The following ASIC1 variants were observed in gnomAD, a reference collection of about 807,000 sequenced individuals.
The protein encoded by ASIC1 is acid-sensing ion channel 1.
Under a neutral mutation model 63.4 loss-of-function variants are expected in ASIC1, and 21 were observed. That is an observed-to-expected ratio of 0.33 (90% confidence interval 0.23 to 0.48). The LOEUF (loss-of-function observed/expected upper bound fraction) is 0.48. ASIC1 is among the 20% of genes least tolerant of loss of function. ASIC1 has a pLI of 0.99. For missense variants in ASIC1, 478 were observed against 695.5 expected (o/e 0.69, Z 3.52); for synonymous variants, 258 against 278.2 (o/e 0.93, Z 0.72).
intron 8 of ASIC1, 90 bp downstream of exon 8, chr12:50,080,145 AG>A: frequency 7.2e-7 from 1 of 1,398,248 alleles, no homozygotes; most frequent in Non-Finnish European, 9.7e-7. Flanking sequence ...GCTGGCAGGC[AG>A]GGGGAACTTG....
chr12:50,065,900 A>G (rs1950540833), intron 3 of ASIC1, among the ~76,000 whole-genome samples: 2 of 152,226 alleles, frequency 1.3e-5, no homozygotes, highest in Non-Finnish European at 2.9e-5. Flanking sequence ...GGCCTTGGCC[A>G]TGGACAGCAG....
In ASIC1 at chr12:50,078,040, T is replaced by C. The variant is rs1950675637; in HGVS notation, c.750T>C (p.His250=). The stretch of plus-strand genomic sequence containing the variant: ...AAGCAGGCATCAAAGTGCAGATCCA[T>C]AGTCAGGATGAACCTCCTTTCATCG... ...SFEAGIKVQI[H]SQDEPPFIDQ... is the part of the protein sequence containing the mutation. The change falls in exon 5 of 12, where the codon CAT becomes CAC. Residue 250 remains histidine, a synonymous_variant. Transcript: ENST00000447966. This position sits in a 1 kb window ranked among gnomAD's most constrained non-coding sequence, Gnocchi z 6.0. 1 of 1,613,966 alleles carries C rather than the reference T, an allele frequency of 6.2e-7. No homozygotes were observed. The highest frequency in any genetic ancestry group is 1.7e-5 in the Admixed American group (1 of 59,998).
intron 7 of ASIC1, among the ~76,000 whole-genome samples, chr12:50,079,679 T>C (rs1423685836): frequency 6.6e-6 from 1 of 152,116 alleles, no homozygotes; most frequent in African/African-American, 2.4e-5. Flanking sequence ...ACATCGTTGG[T>C]TCAGTGGCCT....
At position 50,074,278 on chromosome 12, in the gene ASIC1, AAG is replaced by A. The variant is rs1167800059; in HGVS notation, c.559-2932_559-2931del. 6.9e-7 allele frequency: 1 copy of A among 1,444,598 alleles called. No individual in the cohort carries two copies. Among genetic ancestry groups the A allele is most frequent in the Admixed American group, 2.7e-5 (1 of 37,122 alleles). The allele number at this position is 1,444,598 out of a possible 1,614,324, so 89.5% of individuals were successfully genotyped here. On this transcript the variant is annotated intron_variant, in intron 3 of 11. Transcript: ENST00000447966. The surrounding 1 kb of genome is among the most constrained non-coding windows in gnomAD (Gnocchi z 4.2). Reference sequence around the variant, plus strand: ...AGCCCCATGCCTGCCACAGTACCCCAAGAGTGTCTGCCATGGCTGTCCCTGAC... The same window carrying A: ...AGCCCCATGCCTGCCACAGTACCCCAAGTGTCTGCCATGGCTGTCCCTGAC...
rs767028324 is a variant in ASIC1, at chr12:50,077,272, G to T, written c.618G>T (p.Arg206=). 1 of 1,614,132 alleles carries T rather than the reference G, an allele frequency of 6.2e-7. No homozygotes were observed. Among genetic ancestry groups the T allele is most frequent in the Non-Finnish European group, 8.5e-7 (1 of 1,180,006 alleles). Residue 206 remains arginine (R), a synonymous_variant, in exon 4 of 12, where the codon CGG becomes CGT. Transcript: ENST00000447966. ...ACTCGGGCCGAGATGGGCGGCCGCG[G>T]CTGAAGACCATGAAGGGTGGGACGG... ...TFNSGRDGRP[R]LKTMKGGTGN...
At chr12:50,062,504 T>G (rs983651199) in intron 3 of ASIC1, among the ~76,000 whole-genome samples, 2 of 152,176 alleles carry the variant, frequency 1.3e-5, no homozygotes, top group African/African-American at 4.8e-5. Context: ...GGTTAGGGCT[T>G]TGCTTGCTCT....
Position 50,074,267 on chromosome 12 carries a change from C to T in ASIC1, c.559-2946C>T. 1.4e-6 allele frequency: 2 copies of T among 1,453,048 alleles called. No homozygotes were observed. The highest frequency in any genetic ancestry group is 1.8e-6 in the Non-Finnish European group (2 of 1,105,262). The allele number at this position is 1,453,048 out of a possible 1,614,324, so 90.0% of individuals were successfully genotyped here. ...GTGGTGAGTGGAGCCCCATGCCTGC[C>T]ACAGTACCCCAAGAGTGTCTGCCAT... On this transcript the variant is annotated intron_variant, in intron 3 of 11. Transcript: ENST00000447966. This position sits in a 1 kb window ranked among gnomAD's most constrained non-coding sequence, Gnocchi z 4.2.
chr12:50,076,906 C>T, intron 3 of ASIC1: 1 of 530,402 alleles, frequency 1.9e-6, no homozygotes, highest in Non-Finnish European at 3.6e-6. Context: ...GATTCATACC[C>T]CAATCTTTCC....
intron 7 of ASIC1, among the ~76,000 whole-genome samples, chr12:50,079,482 G>T (rs1950692777): frequency 6.6e-6 from 1 of 152,148 alleles, no homozygotes; most frequent in African/African-American, 2.4e-5. Flanking sequence ...ATGAACAGAG[G>T]TCACCTGGGA....
Position 50,078,081 on chromosome 12 carries a change from G to A in ASIC1, c.791G>A (p.Gly264Asp). The A allele has an allele frequency of 6.2e-7, 1 of 1,614,040 alleles. No homozygotes were observed. ...CCTTTCATCGACCAGCTGGGCTTTG[G>A]CGTGGCCCCAGGCTTCCAGACCTTT... is the stretch of plus-strand genomic sequence containing the variant. ...EPPFIDQLGF[G>D]VAPGFQTFVA... Residue 264 changes from glycine to aspartate, a missense_variant, in exon 5 of 12, where the codon GGC (glycine) becomes GAC (aspartate). Around this residue, in one of 3 missense-constraint regions of ASIC1, gnomAD observed 290 missense variants for 414.9 expected, o/e 0.70. Coordinates refer to ENST00000447966, the MANE Select transcript of ASIC1 (RefSeq NM_001095.4). This position sits in a 1 kb window ranked among gnomAD's most constrained non-coding sequence, Gnocchi z 6.0.
In ASIC1 at chr12:50,077,237, T is replaced by C. The variant is rs753538119; in HGVS notation, c.583T>C (p.Tyr195His). The stretch of plus-strand genomic sequence containing the variant: ...GGTCTTCACACGCTATGGAAAGTGC[T>C]ACACGTTCAACTCGGGCCGAGATGG... ...KVVFTRYGKC[Y>H]TFNSGRDGRP... The change falls in exon 4 of 12, where the codon TAC (tyrosine) becomes CAC (histidine). Residue 195 changes from tyrosine (Y) to histidine (H), a missense_variant. By Grantham distance (83) the Tyr-to-His change is moderately conservative. Transcript: ENST00000447966. 1.2e-6 allele frequency: 2 copies of C among 1,612,904 alleles called. No homozygotes were observed. The highest frequency in any genetic ancestry group is 2.2e-5 in the South Asian group (2 of 90,844).
In ASIC1 at chr12:50,074,398, C is replaced by G. The variant is rs1458330660; in HGVS notation, c.559-2815C>G. ...CTGGCTGACACAGGCCAGAGCTCACCCAGGAGTCCGGGGCCTGGAGCTGGG... is the reference window on the plus strand; with the variant it reads ...CTGGCTGACACAGGCCAGAGCTCACGCAGGAGTCCGGGGCCTGGAGCTGGG... On this transcript the variant is annotated intron_variant, in intron 3 of 11. Coordinates refer to ENST00000447966, the MANE Select transcript of ASIC1 (RefSeq NM_001095.4). This position sits in a 1 kb window ranked among gnomAD's most constrained non-coding sequence, Gnocchi z 4.2. Among the ~76,000 whole-genome samples, 1 of 152,286 alleles carries G rather than the reference C, an allele frequency of 6.6e-6. No individual in the cohort carries two copies. The highest frequency in any genetic ancestry group is 1.9e-4 in the East Asian group (1 of 5,184).
intron 7 of ASIC1, 21 bp downstream of exon 7, chr12:50,079,001 G>A (rs1592279307): frequency 1.9e-6 from 3 of 1,612,270 alleles, no homozygotes; most frequent in Non-Finnish European, 8.5e-7. Flanking sequence ...CTGGCCTGGG[G>A]CAGTCTGGGG....
chr12:50,081,261 T>G lies in ASIC1; in HGVS notation c.1379T>G (p.Val460Gly). Reference protein sequence around the residue: ...VLELFDYAYEVIKHKLCRRGK... With the variant: ...VLELFDYAYEGIKHKLCRRGK... ...CCACCTGCCCCGTCCCCGTCCTAGGTCATTAAGCACAAGCTGTGCCGACGA... is the reference window on the plus strand; with the variant it reads ...CCACCTGCCCCGTCCCCGTCCTAGGGCATTAAGCACAAGCTGTGCCGACGA... The change falls in exon 11 of 12, where the codon GTC becomes GGC. Residue 460 changes from valine to glycine, a missense_variant and splice_region_variant. Physicochemically the swap from Val to Gly is moderately radical, Grantham distance 109. This residue lies in a region of ASIC1 where 104 missense variants were observed against 97.0 expected (regional missense o/e 1.07). Transcript: ENST00000447966. The G allele has an allele frequency of 1.2e-6, 2 of 1,607,410 alleles. No homozygotes were observed. Among genetic ancestry groups the G allele is most frequent in the East Asian group, 2.2e-5 (1 of 44,584 alleles).
At chr12:50,069,982 C>T (rs1049196787) in intron 3 of ASIC1, among the ~76,000 whole-genome samples, 2 of 152,108 alleles carry the variant, frequency 1.3e-5, no homozygotes, top group Non-Finnish European at 2.9e-5. Context: ...GTTACTCAAA[C>T]CTGCTTATTT....
Position 50,079,879 on chromosome 12 carries a change from ACCT to A in ASIC1, c.1052-21_1052-19del. 1 of 1,583,604 alleles carries A rather than the reference ACCT, an allele frequency of 6.3e-7. No homozygotes were observed. The highest frequency in any genetic ancestry group is 1.7e-5 in the Admixed American group (1 of 57,156). On this transcript the variant is annotated intron_variant, in intron 7 of 11. Transcript: ENST00000447966. ...GGCAGAAGGGCACCACTCAACTGAG[ACCT>A]CTCACCTGGCTGAGTGCAGACTTCC... is the stretch of plus-strand genomic sequence containing the variant.
intron 3 of ASIC1, among the ~76,000 whole-genome samples, chr12:50,064,903 G>T (rs868132673): frequency 6.6e-6 from 1 of 152,158 alleles, no homozygotes; most frequent in East Asian, 1.9e-4. Flanking sequence ...CAGGTCCTGC[G>T]CTGGGGCAGT....
rs706794 is a variant in ASIC1 at position 50,082,375 on chromosome 12, G to T, written c.*726G>T. On this transcript the variant is annotated 3_prime_UTR_variant, in exon 12 of 12. Transcript: ENST00000447966. ...CTTCCTCACCATCCCATTAAAGACC[G>T]GGCTGGTTAGCGTCCAGCTCAGGGA... is the stretch of plus-strand genomic sequence containing the variant. 104,731 of 152,362 alleles carry T rather than the reference G, an allele frequency of 0.69. 36,284 individuals carry two copies. Among genetic ancestry groups the T allele is most frequent in the East Asian group, 0.85 (4,381 of 5,150 alleles). 9.4% of individuals were successfully genotyped at this position (152,362 alleles called of 1,614,324 possible). A position where few individuals can be genotyped will look rare whatever the true frequency, so the allele number is the denominator to read the frequency against.
chr12:50,080,093 T>C, intron 8 of ASIC1, 38 bp downstream of exon 8: 1 of 1,569,984 alleles, frequency 6.4e-7, no homozygotes, highest in Non-Finnish European at 8.6e-7. Flanking sequence ...GCCCTTGGGT[T>C]GGGACTGTGG....
Sources: allele counts gnomAD v4.1 joint callset (sites outside exome capture counted in the v4.1 genomes callset), GRCh38; gene constraint gnomAD v4.1.1; regional missense constraint gnomAD v4.1.1; non-coding constraint Gnocchi (gnomAD v3.1); transcripts MANE v1.5; gene names NCBI Gene and HGNC (gene_info 2026-07-23, HGNC 2026-07-21).